Variants in CPXM2 observed in about 807,000 individuals in gnomAD.
CPXM2 encodes the protein inactive carboxypeptidase-like protein X2.
A neutral mutation model predicts 86.1 loss-of-function variants in CPXM2; 66 were observed. That is an observed-to-expected ratio of 0.77 (90% CI 0.63 to 0.94). CPXM2 has a LOEUF of 0.94. Ranked by LOEUF, CPXM2 falls within the 40% of genes least tolerant of loss-of-function variation. CPXM2 has a pLI of 0.00. For synonymous variants in CPXM2, 388 were observed against 400.2 expected, an observed-to-expected ratio of 0.97 and a Z score of 0.36; for missense variants, 948 against 1,026.3, an observed-to-expected ratio of 0.92 and a Z score of 1.04.
chr10:123,888,544 C>T (rs1428828877), intron 1 of CPXM2, among the ~76,000 whole-genome samples: 2 of 152,100 alleles, frequency 1.3e-5, no homozygotes, highest in Admixed American at 1.3e-4. Flanking sequence ...TATTACACCA[C>T]GAGCAGCATA....
At chr10:123,919,238 C>T (rs776980745) in intron 2 of CPXM2, among the ~76,000 whole-genome samples, 32 of 152,294 alleles carry the variant, frequency 2.1e-4, no homozygotes, top group Non-Finnish European at 2.5e-4. Context: ...ATTGAAACTC[C>T]GGCCCACAAA....
Position 123,754,843 on chromosome 10 carries a change from C to G in CPXM2, c.1918-81G>C. 1.3e-6 allele frequency: 1 copy of G among 783,624 alleles called. No individual in the cohort carries two copies. The highest frequency in any genetic ancestry group is 2.3e-6 in the Non-Finnish European group (1 of 438,008). 48.5% of individuals were successfully genotyped at this position (783,624 alleles called of 1,614,324 possible). The stretch of plus-strand genomic sequence containing the variant: ...CGGCACAACAGAGTGGGCTGTCAAC[C>G]CACCATTGGCCGGTTCCCACCAAGA... On this transcript the variant is annotated intron_variant, in intron 12 of 13. Transcript: ENST00000241305. The surrounding 1 kb of genome is among the most constrained non-coding windows in gnomAD (Gnocchi z 4.0).
chr10:123,875,607 G>C (rs1590089825), intron 2 of CPXM2, among the ~76,000 whole-genome samples: 2 of 152,212 alleles, frequency 1.3e-5, no homozygotes, highest in Admixed American at 6.5e-5. Flanking sequence ...GTGATGCAAT[G>C]AAAAACCCTC....
intron 8 of CPXM2, 122 bp from the exon 9 acceptor site, chr10:123,768,844 T>A (rs1032082687): frequency 1.1e-4 from 87 of 823,198 alleles, no homozygotes; most frequent in Non-Finnish European, 2.4e-5. Context: ...TTAGACCTAT[T>A]TGTTCTTTCA....
At chr10:123,893,146 T>C (rs1444353948), upstream of CPXM2, among the ~76,000 whole-genome samples, 3 of 152,218 alleles carry the variant, frequency 2.0e-5, no homozygotes. Flanking sequence ...TCTCTTGTTC[T>C]AGGTATTCAG....
intron 2 of CPXM2, among the ~76,000 whole-genome samples, chr10:123,869,795 T>TCAC (rs769370550): frequency 6.6e-6 from 1 of 152,190 alleles, no homozygotes; most frequent in South Asian, 2.1e-4. Flanking sequence ...ATCATCATCA[T>TCAC]CACCACCATA....
chr10:123,785,771 T>C (rs1432015674), intron 6 of CPXM2, among the ~76,000 whole-genome samples: 1 of 152,026 alleles, frequency 6.6e-6, no homozygotes, highest in East Asian at 1.9e-4. Flanking sequence ...TAGCTGGGAC[T>C]ACAGGCACTC....
Position 123,814,793 on chromosome 10 carries a change from G to A in CPXM2, c.654-15594C>T, listed in dbSNP as rs187599344. On this transcript the variant is annotated intron_variant, in intron 4 of 13. Transcript: ENST00000241305. ...AATCCCAGCAATTTGGGAGGCTGAG[G>A]TGGACAGATCACCTGAGGTCAGGAG... Among the ~76,000 whole-genome samples, 11 of 152,280 alleles carry A rather than the reference G, an allele frequency of 7.2e-5. No individual in the cohort carries two copies. In the East Asian group the frequency reaches 2.1e-3, roughly 29 times the overall value.
chr10:123,796,206 G>A (rs1048134239), intron 6 of CPXM2, among the ~76,000 whole-genome samples: 2 of 152,210 alleles, frequency 1.3e-5, no homozygotes, highest in Non-Finnish European at 2.9e-5. Flanking sequence ...CATCGGCCTT[G>A]AAACTGGGCA....
chr10:123,837,182 A>T (rs1431421828), intron 4 of CPXM2, among the ~76,000 whole-genome samples: 1 of 152,204 alleles, frequency 6.6e-6, no homozygotes, highest in Non-Finnish European at 1.5e-5. Flanking sequence ...TCCATTGCCA[A>T]CCAGAAAGCG....
chr10:123,942,573 AC>A (rs1202127724), upstream of CPXM2, among the ~76,000 whole-genome samples: 4 of 152,216 alleles, frequency 2.6e-5, no homozygotes, highest in Admixed American at 2.6e-4. Flanking sequence ...TCTGGAAGTT[AC>A]CCTAGATTAC....
chr10:123,901,181 A>G lies in CPXM2; in HGVS notation n.175-20872T>C, dbSNP rs186928083. Among the ~76,000 whole-genome samples, 5 of 152,348 alleles carry G rather than the reference A, an allele frequency of 3.3e-5. No homozygotes were observed. In the East Asian group the frequency reaches 9.6e-4, roughly 29 times the overall value. ...CAATTACCTGAGATCATAATACTGA[A>G]CATACATCAAAGCAGAGGCATAGTA... On this transcript the variant is annotated intron_variant and non_coding_transcript_variant, in intron 2 of 19. Transcript: ENST00000368854.
intron 2 of CPXM2, among the ~76,000 whole-genome samples, chr10:123,869,904 T>C (rs1273106572): frequency 1.3e-5 from 2 of 152,094 alleles, no homozygotes; most frequent in African/African-American, 2.4e-5. Context: ...CAGGACACAG[T>C]CAGAATACAG....
chr10:123,790,638 G>A (rs957060481), intron 6 of CPXM2, among the ~76,000 whole-genome samples: 1 of 152,126 alleles, frequency 6.6e-6, no homozygotes, highest in Admixed American at 6.5e-5. Context: ...CAGCCAACCA[G>A]GGCCAATCCC....
intron 2 of CPXM2, among the ~76,000 whole-genome samples, chr10:123,910,288 G>A (rs1162237728): frequency 6.6e-6 from 1 of 152,108 alleles, no homozygotes; most frequent in Non-Finnish European, 1.5e-5. Flanking sequence ...TTCTCCCTCT[G>A]GAGTCTGGGA....
chr10:123,798,422 G>A (rs1029394719), intron 5 of CPXM2, among the ~76,000 whole-genome samples: 2 of 152,126 alleles, frequency 1.3e-5, no homozygotes, highest in Non-Finnish European at 2.9e-5. Context: ...AGATGGAGAG[G>A]ACCAGGCAAA....
At chr10:123,863,659 C>T (rs549312596) in intron 2 of CPXM2, among the ~76,000 whole-genome samples, 1 of 152,332 alleles carries the variant, frequency 6.6e-6, no homozygotes, top group African/African-American at 2.4e-5. Flanking sequence ...ACACGACATA[C>T]TCAGAAATCC....
At position 123,761,764 on chromosome 10, in the gene CPXM2, C is replaced by T. The variant is rs1322223171; in HGVS notation, c.1777+108G>A. ...GGTCCTAAGTGCTCCACCGTGGCAG[C>T]CACCACTTAGTGACAACAGGACAGT... On this transcript the variant is annotated intron_variant, in intron 11 of 13. Transcript: ENST00000241305. The T allele has an allele frequency of 3.5e-6, 4 of 1,128,312 alleles. No homozygotes were observed. In the East Asian group the frequency reaches 1.0e-4, roughly 29 times the overall value. 69.9% of individuals were successfully genotyped at this position (1,128,312 alleles called of 1,614,324 possible).
At chr10:123,878,715 A>G (rs1434815235) in intron 2 of CPXM2, among the ~76,000 whole-genome samples, 2 of 152,186 alleles carry the variant, frequency 1.3e-5, no homozygotes, top group African/African-American at 4.8e-5. Flanking sequence ...CAAGGCAGTG[A>G]AGAAATACGT....
Sources: allele counts gnomAD v4.1 joint callset (sites outside exome capture counted in the v4.1 genomes callset), GRCh38; gene constraint gnomAD v4.1.1; non-coding constraint Gnocchi (gnomAD v3.1); transcripts MANE v1.5; gene names NCBI Gene and HGNC (gene_info 2026-07-23, HGNC 2026-07-21).